NLGN1: variants seen among roughly 807,000 people sequenced by gnomAD.
The protein encoded by NLGN1 is neuroligin-1.
In NLGN1, 12 loss-of-function variants were observed where a neutral mutation model predicts 65.5. The observed-to-expected ratio is 0.18, with a 90% CI of 0.12 to 0.30. NLGN1 has a LOEUF of 0.30. Among genes scored for constraint, NLGN1 ranks in the 10% least tolerant of loss-of-function variants. NLGN1 has a pLI of 1.00. For synonymous variants in NLGN1, 350 were observed against 359.5 expected, an observed-to-expected ratio of 0.97 and a Z score of 0.30; for missense variants, 750 against 1,007.1, an observed-to-expected ratio of 0.74 and a Z score of 3.46.
chr3:173,722,392 G>A (rs1771000047), intron 3 of NLGN1, among the ~76,000 whole-genome samples: 1 of 151,686 alleles, frequency 6.6e-6, no homozygotes, highest in African/African-American at 2.4e-5. Context: ...ACAAGCACCT[G>A]CCACCACGCC....
At chr3:173,751,216 A>G (rs975828802) in intron 3 of NLGN1, among the ~76,000 whole-genome samples, 1 of 152,064 alleles carries the variant, frequency 6.6e-6, no homozygotes, top group Non-Finnish European at 1.5e-5. Flanking sequence ...GCATAGATAC[A>G]CTATTTGCTT....
intron 3 of NLGN1, among the ~76,000 whole-genome samples, chr3:173,623,944 G>A (rs1754414710): frequency 6.6e-6 from 1 of 152,030 alleles, no homozygotes; most frequent in South Asian, 2.1e-4. Context: ...CCAAAAGATA[G>A]GCAATAAATA....
At chr3:173,732,024 A>G (rs1217001079) in intron 3 of NLGN1, among the ~76,000 whole-genome samples, 3 of 152,088 alleles carry the variant, frequency 2.0e-5, no homozygotes, top group African/African-American at 7.2e-5. Context: ...TTATTTTCAA[A>G]CATACCTCTA....
chr3:173,412,497 C>A (rs968825714), intron 1 of NLGN1, among the ~76,000 whole-genome samples: 1 of 151,768 alleles, frequency 6.6e-6, no homozygotes, highest in Non-Finnish European at 1.5e-5. Context: ...TCTTTATTAG[C>A]ACACTGACCT....
intron 4 of NLGN1, among the ~76,000 whole-genome samples, chr3:173,894,191 C>G (rs528305601): frequency 6.6e-6 from 1 of 152,202 alleles, no homozygotes. Context: ...CAGGGTGTTA[C>G]AATTATTATT....
intron 4 of NLGN1, among the ~76,000 whole-genome samples, chr3:173,911,091 A>G (rs1036748886): frequency 1.3e-5 from 2 of 152,198 alleles, no homozygotes; most frequent in Admixed American, 6.5e-5. Context: ...TCCTAAACTC[A>G]CTGTACTTGC....
chr3:173,898,093 G>A (rs1736648722), intron 4 of NLGN1, among the ~76,000 whole-genome samples: 1 of 152,040 alleles, frequency 6.6e-6, no homozygotes, highest in Non-Finnish European at 1.5e-5. Context: ...ATTTATAAAT[G>A]GTAATTTCTT....
intron 4 of NLGN1, among the ~76,000 whole-genome samples, chr3:174,062,485 A>G (rs775058665): frequency 2.0e-5 from 3 of 152,020 alleles, no homozygotes; most frequent in African/African-American, 7.2e-5. Flanking sequence ...CATCTTTTAA[A>G]TTTTTGCTTT....
intron 4 of NLGN1, among the ~76,000 whole-genome samples, chr3:173,901,383 G>C (rs1160809551): frequency 6.7e-6 from 1 of 149,020 alleles, no homozygotes; most frequent in African/African-American, 2.4e-5. Context: ...GTGTGTGTGT[G>C]TGTTTAAAAA....
At chr3:173,484,227 A>G (rs1727782416) in intron 2 of NLGN1, among the ~76,000 whole-genome samples, 1 of 152,102 alleles carries the variant, frequency 6.6e-6, no homozygotes, top group Non-Finnish European at 1.5e-5. Flanking sequence ...ATGCTGGGAT[A>G]TTTTACCACC....
At chr3:174,277,523 A>G (rs1302516421) in intron 5 of NLGN1, among the ~76,000 whole-genome samples, 2 of 151,894 alleles carry the variant, frequency 1.3e-5, no homozygotes, top group Non-Finnish European at 2.9e-5. Context: ...TTTTAGTTAC[A>G]CAATTTTTAT....
At chr3:173,855,539 A>G (rs1186327225) in intron 4 of NLGN1, among the ~76,000 whole-genome samples, 1 of 152,084 alleles carries the variant, frequency 6.6e-6, no homozygotes, top group Non-Finnish European at 1.5e-5. Flanking sequence ...ATGGCAACAT[A>G]ATGTATTCTT....
chr3:173,419,189 A>G (rs1714497873), intron 1 of NLGN1, among the ~76,000 whole-genome samples: 1 of 151,176 alleles, frequency 6.6e-6, no homozygotes, highest in Admixed American at 6.6e-5. Context: ...GCTGATTTCA[A>G]TCAGGAGCGC....
At chr3:173,894,722 A>G (rs375937923) in intron 4 of NLGN1, among the ~76,000 whole-genome samples, 85 of 147,566 alleles carry the variant, frequency 5.8e-4, no homozygotes, top group Middle Eastern at 3.6e-3. Context: ...ACTGCAACCT[A>G]TGCCTCCAGG....
chr3:173,773,461 T>G lies in NLGN1; in HGVS notation c.494-34219T>G, dbSNP rs559528805. Among the ~76,000 whole-genome samples the G allele has an allele frequency of 5.9e-5, 9 of 152,346 alleles. No individual in the cohort carries two copies. In the South Asian group the frequency reaches 1.7e-3, roughly 28 times the overall value. On this transcript the variant is annotated intron_variant, in intron 3 of 6. Transcript: ENST00000457714. ...ACCTTGGAATTGGTTTGTTCTTGGC[T>G]TTGAGACACAAAATGTTGTTATTCA...
intron 3 of NLGN1, among the ~76,000 whole-genome samples, chr3:173,754,296 G>A (rs4465969): frequency 0.7 from 106,382 of 151,702 alleles, 38,330 homozygotes; most frequent in East Asian, 0.92. Context: ...CCCGCCTTGG[G>A]CTTCCAAAGT....
intron 2 of NLGN1, among the ~76,000 whole-genome samples, chr3:173,450,382 T>C (rs1292216643): frequency 1.3e-5 from 2 of 152,168 alleles, no homozygotes; most frequent in African/African-American, 4.8e-5. Flanking sequence ...AGAACGTTGA[T>C]ATTGGCCCCC....
chr3:174,286,747 T>G (rs962341525), downstream of NLGN1: 1 of 151,610 alleles, frequency 6.6e-6, no homozygotes, highest in Non-Finnish European at 1.5e-5. Flanking sequence ...TTTGTATTGC[T>G]TCCACACTGC....
intron 1 of NLGN1, among the ~76,000 whole-genome samples, chr3:173,432,369 C>T (rs1717343601): frequency 1.3e-5 from 2 of 152,302 alleles, no homozygotes; most frequent in Non-Finnish European, 2.9e-5. Flanking sequence ...TCCTTTTGTT[C>T]CACCTCCTTG....
Sources: gnomAD v4.1 joint callset for allele counts (sites outside exome capture counted in the v4.1 genomes callset) on GRCh38, gnomAD v4.1.1 for gene constraint, MANE v1.5 for transcripts, NCBI Gene and HGNC (gene_info 2026-07-23, HGNC 2026-07-21) for gene names.